Variants in SVIP observed in about 807,000 individuals in gnomAD.
SVIP encodes small VCP/p97-interacting protein.
SVIP carries 14 observed loss-of-function variants against 12.9 expected under a neutral mutation model. The ratio of observed to expected loss-of-function variants is 1.08; its 90% CI spans 0.72 to 1.70. SVIP has a LOEUF of 1.70. Ranked by LOEUF, SVIP falls within the 40% of genes most tolerant of loss-of-function variation. SVIP has a pLI of 0.00. For synonymous variants in SVIP, 35 were observed against 33.3 expected, an observed-to-expected ratio of 1.05 and a Z score of -0.17; for missense variants, 93 against 90.8, an observed-to-expected ratio of 1.02 and a Z score of -0.10.
chr11:22,827,062 T>G (rs112852354), intron 3 of SVIP, 145 bp downstream of exon 3: 3 of 612,042 alleles, frequency 4.9e-6, no homozygotes, highest in African/African-American at 1.9e-5. Context: ...AAATTGGTAT[T>G]ACTTCCAATA....
chr11:22,823,278 T>TACATTATATGTAAAATTTGG, intron 3 of SVIP, 145 bp from the exon 4 acceptor site: 2 of 594,906 alleles, frequency 3.4e-6, no homozygotes, highest in Non-Finnish European at 5.7e-6. Flanking sequence ...CATAAAATTT[T>TACATTATATGTAAAATTTGG]ACATTATAGT....
chr11:22,822,291 TC>T lies in SVIP; in HGVS notation c.*827del, dbSNP rs1283852546. On this transcript the variant is annotated 3_prime_UTR_variant, in exon 4 of 4. Transcript: ENST00000354193. ...ATCTGTATAAATCTTATGATCGTTCTCTAATAAGTACACAAGATTAACACTA... is the reference window on the plus strand; with the variant it reads ...ATCTGTATAAATCTTATGATCGTTCTTAATAAGTACACAAGATTAACACTA... 6.6e-6 allele frequency: 1 copy of T among 152,176 alleles called. No individual in the cohort carries two copies. Among genetic ancestry groups the T allele is most frequent in the Non-Finnish European group, 1.5e-5 (1 of 68,008 alleles). The allele number at this position is 152,176 out of a possible 1,614,324, so 9.4% of individuals were successfully genotyped here. A position where few individuals can be genotyped will look rare whatever the true frequency, so the allele number is the denominator to read the frequency against.
intron 2 of SVIP, among the ~76,000 whole-genome samples, 179 bp from the exon 3 acceptor site, chr11:22,827,499 T>G (rs1857759993): frequency 6.6e-6 from 1 of 152,134 alleles, no homozygotes; most frequent in South Asian, 2.1e-4. Flanking sequence ...ATTTCTTCAC[T>G]GGGTATTTTG....
At position 22,827,237 on chromosome 11, in the gene SVIP, T is replaced by A; in HGVS notation, c.189A>T (p.Thr63=). 6.2e-7 allele frequency: 1 copy of A among 1,610,866 alleles called. No individual in the cohort carries two copies. Among genetic ancestry groups the A allele is most frequent in the South Asian group, 1.1e-5 (1 of 90,502 alleles). ...GTCCACCTTCTGGTGGGGGCCCGGA[T>A]GTAGCAATTTGTTTTTCTATTTTTT... The part of the protein sequence containing the change: ...KKEKIEKQIA[T]SGPPPEGGLR... The change falls in exon 3 of 4, where the codon ACA becomes ACT. Residue 63 remains threonine, a synonymous_variant. Coordinates refer to ENST00000354193, the MANE Select transcript of SVIP (RefSeq NM_148893.3).
chr11:22,824,973 C>T (rs954954329), intron 3 of SVIP, among the ~76,000 whole-genome samples: 2 of 152,138 alleles, frequency 1.3e-5, no homozygotes, highest in African/African-American at 4.8e-5. Context: ...TAGTACTTTG[C>T]ATCCTGATGC....
chr11:22,828,742 A>G (rs922706954), intron 1 of SVIP, among the ~76,000 whole-genome samples: 2 of 152,130 alleles, frequency 1.3e-5, no homozygotes, highest in Admixed American at 6.6e-5. Context: ...AACAGCAGCA[A>G]CAAAGAGAAG....
At chr11:22,828,420 T>A (rs1443954595) in intron 1 of SVIP, among the ~76,000 whole-genome samples, 1 of 152,140 alleles carries the variant, frequency 6.6e-6, no homozygotes, top group African/African-American at 2.4e-5. Context: ...TGTAAAAACA[T>A]AGATAAATGT....
At position 22,824,941 on chromosome 11, in the gene SVIP, G is replaced by A. The variant is rs137935813; in HGVS notation, c.220-1808C>T. ...GTACTAGAGGTCTACCCTTACTCCC[G>A]TGCTGCTATATCCTGTACTGATAGT... On this transcript the variant is annotated intron_variant, in intron 3 of 3. Transcript: ENST00000354193. Among the ~76,000 whole-genome samples, 1,127 of 152,174 alleles carry A rather than the reference G, an allele frequency of 7.4e-3. 48 individuals are homozygous for A. The highest frequency in any genetic ancestry group is 0.063 in the Admixed American group (956 of 15,290).
rs748791088 is a variant in SVIP at position 22,827,332 on chromosome 11, T to C, written c.106-12A>G. 11 of 1,584,404 alleles carry C rather than the reference T, an allele frequency of 6.9e-6. No individual in the cohort carries two copies. Among genetic ancestry groups the C allele is most frequent in the South Asian group, 1.2e-5 (1 of 85,550 alleles). ...CCCCGAGATGCAGCCTTGAAGAAAT[T>C]TGATAAGAAAAACAGAAAGACAACA... is the stretch of plus-strand genomic sequence containing the variant. On this transcript the variant is annotated splice_polypyrimidine_tract_variant and intron_variant, in intron 2 of 3. Coordinates refer to ENST00000354193, the MANE Select transcript of SVIP (RefSeq NM_148893.3).
rs1242409642 is a variant in SVIP at position 22,821,996 on chromosome 11, CA to C, written c.*1122del. On this transcript the variant is annotated 3_prime_UTR_variant, in exon 4 of 4. Transcript: ENST00000354193. ...AATTTCTATTAGCACTTAATATCTG[CA>C]AATTTTAATTTAGGGCTCAACATGT... 23 of 152,242 alleles carry C rather than the reference CA, an allele frequency of 1.5e-4. No individual in the cohort carries two copies. The highest frequency in any genetic ancestry group is 5.1e-4 in the African/African-American group (21 of 41,542). 9.4% of individuals were successfully genotyped at this position (152,242 alleles called of 1,614,324 possible).
intron 1 of SVIP, 89 bp downstream of exon 1, chr11:22,829,606 C>T: frequency 1.5e-6 from 2 of 1,365,210 alleles, no homozygotes; most frequent in Non-Finnish European, 2.0e-6. Flanking sequence ...CGACCTGCGC[C>T]ACCAGGTACA....
intron 3 of SVIP, among the ~76,000 whole-genome samples, chr11:22,826,551 G>A (rs545638932): frequency 1.3e-5 from 2 of 151,916 alleles, no homozygotes; most frequent in South Asian, 4.2e-4. Flanking sequence ...GAGCTTTAAG[G>A]GATTTTAAAA....
intron 3 of SVIP, among the ~76,000 whole-genome samples, chr11:22,826,156 A>G (rs779981354): frequency 6.6e-6 from 1 of 152,224 alleles, no homozygotes; most frequent in Admixed American, 6.5e-5. Flanking sequence ...AAAAAACTTC[A>G]TAAATTTTCA....
rs184869508 is a variant in SVIP at position 22,822,837 on chromosome 11, T to C, written c.*282A>G. ...ATGCAGAATGTTTACATGCAGTGTA[T>C]GTATATTCACTATTTAGTTCCATTT... is the stretch of plus-strand genomic sequence containing the variant. On this transcript the variant is annotated 3_prime_UTR_variant, in exon 4 of 4. Transcript: ENST00000354193. 8.7e-4 allele frequency: 332 copies of C among 380,204 alleles called. No homozygotes were observed. Among genetic ancestry groups the C allele is most frequent in the African/African-American group, 6.3e-3 (306 of 48,230 alleles). The allele number at this position is 380,204 out of a possible 1,614,324, so 23.6% of individuals were successfully genotyped here. A position where few individuals can be genotyped will look rare whatever the true frequency, so the allele number is the denominator to read the frequency against.
In SVIP at chr11:22,822,748, ATAAG is replaced by A. The variant is rs1303410697; in HGVS notation, c.*367_*370del. 5.7e-6 allele frequency: 1 copy of A among 176,310 alleles called. No individual in the cohort carries two copies. Among genetic ancestry groups the A allele is most frequent in the African/African-American group, 2.4e-5 (1 of 42,266 alleles). 10.9% of individuals were successfully genotyped at this position (176,310 alleles called of 1,614,324 possible). Reference sequence around the variant, plus strand: ...AGATGTAACGCGATGCAGCACAAATATAAGTAGTTAGATCATTTTATAAAGGATG... The same window carrying A: ...AGATGTAACGCGATGCAGCACAAATATAGTTAGATCATTTTATAAAGGATG... On this transcript the variant is annotated 3_prime_UTR_variant, in exon 4 of 4. Transcript: ENST00000354193.
At chr11:22,824,487 T>TATATATATACATATATATACACAC (rs1857615281) in intron 3 of SVIP, among the ~76,000 whole-genome samples, 1 of 132,880 alleles carries the variant, frequency 7.5e-6, no homozygotes, top group Non-Finnish European at 1.7e-5. Context: ...TATATATATG[T>TATATATATACATATATATACACAC]ATATATATAC....
rs1307277445 is a variant in SVIP, at chr11:22,826,253, A to G, written c.219+954T>C. ...ATTTCTGTGATATTCTTGAGCCAGA[A>G]TCAACTGCTCAGGGTGTTCATAAAC... On this transcript the variant is annotated intron_variant, in intron 3 of 3. Transcript: ENST00000354193. 2.6e-5 allele frequency among the ~76,000 whole-genome samples: 4 copies of G among 152,188 alleles called. No homozygotes were observed. In the East Asian group the frequency reaches 7.7e-4, roughly 29 times the overall value.
intron 3 of SVIP, among the ~76,000 whole-genome samples, chr11:22,823,962 G>A (rs1857575920): frequency 6.6e-6 from 1 of 152,104 alleles, no homozygotes; most frequent in Non-Finnish European, 1.5e-5. Flanking sequence ...GACCTCAAGT[G>A]ATCATCCCAT....
At chr11:22,823,358 A>G (rs941410237) in intron 3 of SVIP, among the ~76,000 whole-genome samples, 2 of 152,208 alleles carry the variant, frequency 1.3e-5, no homozygotes, top group Non-Finnish European at 2.9e-5. Flanking sequence ...ATTGGTGGGT[A>G]GTTGCAGGAT....
Sources: allele counts gnomAD v4.1 joint callset (sites outside exome capture counted in the v4.1 genomes callset), GRCh38; gene constraint gnomAD v4.1.1; transcripts MANE v1.5; gene names NCBI Gene and HGNC (gene_info 2026-07-23, HGNC 2026-07-21).